Variants in CDH2 observed in about 807,000 individuals in gnomAD.
CDH2 encodes the protein cadherin 2, also known as cadherin-2.
CDH2 carries 17 observed loss-of-function variants against 92.0 expected under a neutral mutation model. That is an observed-to-expected ratio of 0.18 (90% confidence interval 0.13 to 0.28). CDH2 has a LOEUF of 0.28. CDH2 is among the 10% of genes least tolerant of loss of function. CDH2 has a pLI of 1.00. For missense variants in CDH2, 862 were observed against 1,133.1 expected, an observed-to-expected ratio of 0.76 and a Z score of 3.44; for synonymous variants, 419 against 415.9, an observed-to-expected ratio of 1.01 and a Z score of -0.09.
intron 2 of CDH2, among the ~76,000 whole-genome samples, chr18:28,034,279 T>G (rs2013771317): frequency 6.6e-6 from 1 of 152,066 alleles, no homozygotes; most frequent in South Asian, 2.1e-4. Context: ...TTTGATATCT[T>G]AACAAGTACC....
chr18:28,009,445 T>C (rs1369267083), intron 5 of CDH2, among the ~76,000 whole-genome samples: 1 of 152,200 alleles, frequency 6.6e-6, no homozygotes, highest in East Asian at 1.9e-4. Flanking sequence ...TAACCACATA[T>C]CTGAAAGCAA....
At chr18:27,954,964 T>C (rs1375396199) in intron 15 of CDH2, among the ~76,000 whole-genome samples, 1 of 152,140 alleles carries the variant, frequency 6.6e-6, no homozygotes, top group Non-Finnish European at 1.5e-5. Flanking sequence ...CTTGGGGTCA[T>C]ACAAGTAGGC....
intron 7 of CDH2, among the ~76,000 whole-genome samples, chr18:27,997,410 C>T (rs2012617191): frequency 6.6e-6 from 1 of 152,136 alleles, no homozygotes; most frequent in Admixed American, 6.5e-5. Flanking sequence ...GATCACAGGA[C>T]CATATAGAGC....
At chr18:28,169,913 C>A (rs1568025649) in intron 1 of CDH2, among the ~76,000 whole-genome samples, 1 of 152,214 alleles carries the variant, frequency 6.6e-6, no homozygotes, top group Non-Finnish European at 1.5e-5. Context: ...TCTTCTGTAT[C>A]TCCAGTTCCA....
At chr18:28,148,112 T>TA (rs1348231271) in intron 1 of CDH2, among the ~76,000 whole-genome samples, 1 of 152,156 alleles carries the variant, frequency 6.6e-6, no homozygotes, top group East Asian at 1.9e-4. Context: ...GACAGCCAAA[T>TA]AGTCTTTGGG....
chr18:28,151,107 T>G (rs948655614), intron 1 of CDH2, among the ~76,000 whole-genome samples: 1 of 152,216 alleles, frequency 6.6e-6, no homozygotes, highest in Admixed American at 6.5e-5. Context: ...GGTATGAGAC[T>G]GCAGGAGACC....
intron 2 of CDH2, among the ~76,000 whole-genome samples, chr18:28,073,164 G>A (rs2014653400): frequency 1.3e-5 from 2 of 152,024 alleles, no homozygotes; most frequent in Admixed American, 6.6e-5. Flanking sequence ...GTTCTCTAGT[G>A]TAAACAAATC....
intron 5 of CDH2, among the ~76,000 whole-genome samples, chr18:28,007,165 AATAT>A (rs1555632742): frequency 0.011 from 1,189 of 110,446 alleles, 38 homozygotes; most frequent in African/African-American, 0.05. Context: ...ATAAAAAAAA[AATAT>A]ATATATATAT....
In CDH2 at chr18:28,002,988, T is replaced by C. The variant is rs200385833; in HGVS notation, c.1020+9A>G. The C allele has an allele frequency of 3.0e-5, 48 of 1,611,996 alleles. No individual in the cohort carries two copies. The Admixed American group carries it at 8.0e-4, about 27-fold the overall frequency. On this transcript the variant is annotated intron_variant, in intron 7 of 15. Coordinates refer to ENST00000269141, the MANE Select transcript of CDH2 (RefSeq NM_001792.5). Reference sequence around the variant, plus strand: ...AAACAAACACAAATAGAGTTTTTGGTTGGCTTACTTCTCGATCAAGTCCAG... The same window carrying C: ...AAACAAACACAAATAGAGTTTTTGGCTGGCTTACTTCTCGATCAAGTCCAG...
chr18:27,996,091 A>C (rs2012572516), intron 7 of CDH2, among the ~76,000 whole-genome samples: 1 of 152,114 alleles, frequency 6.6e-6, no homozygotes, highest in African/African-American at 2.4e-5. Flanking sequence ...TATGGAATAA[A>C]ATCCAAAATC....
At chr18:28,051,169 T>C (rs2014183256) in intron 2 of CDH2, among the ~76,000 whole-genome samples, 1 of 152,182 alleles carries the variant, frequency 6.6e-6, no homozygotes, top group Non-Finnish European at 1.5e-5. Context: ...ATTATATTAT[T>C]GTTAATATTT....
intron 2 of CDH2, among the ~76,000 whole-genome samples, chr18:28,070,114 G>A (rs964386830): frequency 1.3e-5 from 2 of 152,038 alleles, no homozygotes; most frequent in South Asian, 2.1e-4. Context: ...TTGGGAACAC[G>A]GCTTAGAAGA....
chr18:28,011,739 T>C, intron 4 of CDH2, 107 bp downstream of exon 4: 2 of 1,010,012 alleles, frequency 2.0e-6, no homozygotes, highest in Non-Finnish European at 3.0e-6. Context: ...AAAACACTTT[T>C]AGTATATACA....
chr18:28,165,761 G>C (rs564118052), intron 1 of CDH2, among the ~76,000 whole-genome samples: 67 of 141,818 alleles, frequency 4.7e-4, no homozygotes, highest in African/African-American at 1.7e-3. Flanking sequence ...CTTAACCACT[G>C]TGTCACACTG....
chr18:28,095,576 G>C (rs2015117335), intron 2 of CDH2, among the ~76,000 whole-genome samples: 1 of 152,054 alleles, frequency 6.6e-6, no homozygotes, highest in African/African-American at 2.4e-5. Flanking sequence ...CCAGCACTTT[G>C]GGAGGCCAAG....
At chr18:28,097,549 C>T (rs546457689) in intron 2 of CDH2, among the ~76,000 whole-genome samples, 1 of 151,936 alleles carries the variant, frequency 6.6e-6, no homozygotes, top group East Asian at 1.9e-4. Context: ...CAACTGCTAA[C>T]AAAAAATATT....
chr18:28,009,333 T>C (rs2013029553), intron 5 of CDH2, among the ~76,000 whole-genome samples: 1 of 152,150 alleles, frequency 6.6e-6, no homozygotes, highest in South Asian at 2.1e-4. Flanking sequence ...GGGATTCACT[T>C]TGATTAGAAT....
chr18:27,949,294 A>C (rs903205257), downstream of CDH2, among the ~76,000 whole-genome samples: 36 of 152,082 alleles, frequency 2.4e-4, no homozygotes, highest in Non-Finnish European at 4.0e-4. Context: ...TAAAACATTT[A>C]TTATTTCAGC....
At chr18:27,956,193 A>C (rs2011240720) in intron 15 of CDH2, among the ~76,000 whole-genome samples, 1 of 152,162 alleles carries the variant, frequency 6.6e-6, no homozygotes, top group African/African-American at 2.4e-5. Context: ...CACAGGATGT[A>C]CTGTTACCAA....
Sources: gnomAD v4.1 joint callset for allele counts (sites outside exome capture counted in the v4.1 genomes callset) on GRCh38, gnomAD v4.1.1 for gene constraint, MANE v1.5 for transcripts, NCBI Gene and HGNC (gene_info 2026-07-23, HGNC 2026-07-21) for gene names.